The following ACAT1 variants were observed in gnomAD, a reference collection of about 807,000 sequenced individuals.
The protein encoded by ACAT1 is acetyl-CoA acetyltransferase 1.
A neutral mutation model predicts 47.3 loss-of-function variants in ACAT1; 28 were observed. That is an observed-to-expected ratio of 0.59 (90% CI 0.44 to 0.81). The LOEUF (loss-of-function observed/expected upper bound fraction) is 0.81, where lower values mean the gene tolerates loss of function less well. Among genes scored for constraint, ACAT1 ranks in the 30% least tolerant of loss-of-function variants. The pLI, the probability that ACAT1 is intolerant of heterozygous loss-of-function variation, is 0.00. For synonymous variants in ACAT1, 181 were observed against 173.6 expected (o/e 1.04, Z -0.34); for missense variants, 469 against 524.3 (o/e 0.89, Z 1.03).
chr11:108,127,341 T>C (rs1447882075), intron 1 of ACAT1, among the ~76,000 whole-genome samples: 1 of 151,554 alleles, frequency 6.6e-6, no homozygotes, highest in African/African-American at 2.4e-5. Context: ...CTTGGCTTAC[T>C]GCAAGCTCCA....
upstream of ACAT1, among the ~76,000 whole-genome samples, chr11:108,117,464 C>T (rs951203923): frequency 1.6e-4 from 25 of 152,022 alleles, 1 homozygote; most frequent in African/African-American, 5.1e-4. Context: ...CCCATCACCA[C>T]ACCCAGCTAA....
chr11:108,118,751 T>G (rs940027243), upstream of ACAT1, among the ~76,000 whole-genome samples: 2 of 152,216 alleles, frequency 1.3e-5, no homozygotes, highest in Admixed American at 1.3e-4. Flanking sequence ...CTTATTTTTT[T>G]GAAGTTTAGT....
rs929358611 is a variant in ACAT1, at chr11:108,139,920, G to A, written c.580-145G>A. ...CCTGCCTTGGCCCCCCAAAGTGCTGGGATTACAGGCATGAGCCACCACCTC... is the reference window on the plus strand; with the variant it reads ...CCTGCCTTGGCCCCCCAAAGTGCTGAGATTACAGGCATGAGCCACCACCTC... On this transcript the variant is annotated intron_variant, in intron 6 of 11. Coordinates refer to ENST00000265838, the MANE Select transcript of ACAT1 (RefSeq NM_000019.4). The A allele has an allele frequency of 4.2e-6, 4 of 959,756 alleles. No homozygotes were observed. The Admixed American group carries it at 9.9e-5, about 24-fold the overall frequency. 59.5% of individuals were successfully genotyped at this position (959,756 alleles called of 1,614,324 possible).
upstream of ACAT1, among the ~76,000 whole-genome samples, chr11:108,121,009 T>A (rs143449798): frequency 9.3e-3 from 1,414 of 152,304 alleles, 22 homozygotes; most frequent in African/African-American, 0.032. Context: ...AAGACCAGTC[T>A]GGCCAACATG....
At chr11:108,132,853 C>CAAAAAAA (rs57501370) in intron 2 of ACAT1, among the ~76,000 whole-genome samples, 89 of 47,862 alleles carry the variant, frequency 1.9e-3, no homozygotes, top group African/African-American at 2.0e-3. Flanking sequence ...AACTCCATCT[C>CAAAAAAA]AAAAAAAAAA....
chr11:108,133,525 G>A (rs577652362), intron 2 of ACAT1, among the ~76,000 whole-genome samples: 18 of 152,246 alleles, frequency 1.2e-4, no homozygotes, highest in African/African-American at 4.3e-4. Context: ...ACAAGGTACA[G>A]TGATCATTTC....
chr11:108,146,095 T>C lies in ACAT1; in HGVS notation c.1006-107T>C, dbSNP rs965842350. ...ATCCTTCCATCTGAAACCAAGAACT[T>C]CCATATTTAAATAACTTATGTCAAA... On this transcript the variant is annotated intron_variant, in intron 10 of 11. Transcript: ENST00000265838. 1.3e-5 allele frequency: 14 copies of C among 1,050,042 alleles called. No homozygotes were observed. In the African/African-American group the frequency reaches 2.1e-4, roughly 16 times the overall value. 65.0% of individuals were successfully genotyped at this position (1,050,042 alleles called of 1,614,324 possible).
intron 1 of ACAT1, among the ~76,000 whole-genome samples, chr11:108,129,682 C>A (rs571632940): frequency 6.6e-6 from 1 of 152,158 alleles, no homozygotes; most frequent in East Asian, 1.9e-4. Context: ...ATAATGACTT[C>A]TTTTCCTCTG....
At chr11:108,145,627 TA>T (rs2077689364) in intron 10 of ACAT1, among the ~76,000 whole-genome samples, 1 of 152,182 alleles carries the variant, frequency 6.6e-6, no homozygotes, top group African/African-American at 2.4e-5. Flanking sequence ...TATGTGCCCC[TA>T]AATAGAAAAT....
Position 108,147,276 on chromosome 11 carries a change from TGGAGCCA to T in ACAT1, c.1174_1180del (p.Ala392LeufsTer5). On this transcript the variant is annotated frameshift_variant, in exon 12 of 12. Coordinates refer to ENST00000265838, the MANE Select transcript of ACAT1 (RefSeq NM_000019.4). LOFTEE classifies it high-confidence loss of function. ...AATGCTTTCTTAATTTTAGGATGTC[TGGAGCCA>T]GGATTGTTGGTCATTTGACTCATGC... is the stretch of plus-strand genomic sequence containing the variant. The T allele has an allele frequency of 1.2e-6, 2 of 1,613,956 alleles. No individual in the cohort carries two copies. Among genetic ancestry groups the T allele is most frequent in the African/African-American group, 2.7e-5 (2 of 75,060 alleles).
intron 9 of ACAT1, chr11:108,143,213 C>G (rs572900930): frequency 6.6e-6 from 1 of 152,016 alleles, no homozygotes; most frequent in Non-Finnish European, 1.5e-5. Context: ...CTAAGGCTGA[C>G]GATCATTTGA....
At chr11:108,133,199 A>G (rs2135332113) in intron 2 of ACAT1, among the ~76,000 whole-genome samples, 1 of 152,210 alleles carries the variant, frequency 6.6e-6, no homozygotes, top group African/African-American at 2.4e-5. Flanking sequence ...TACATATAAA[A>G]AAAGAAATTC....
In ACAT1 at chr11:108,144,090, T is replaced by C. The variant is rs79988516; in HGVS notation, c.1005+43T>C. ...GGCGATACTCCATTATGCTAGCTTC[T>C]GGTTTGCTTATACCAAGGTTGCAGT... On this transcript the variant is annotated intron_variant, in intron 10 of 11. Transcript: ENST00000265838. 4.4e-4 allele frequency: 710 copies of C among 1,597,470 alleles called. 2 individuals are homozygous for C. The African/African-American group carries it at 8.8e-3, about 20-fold the overall frequency.
At chr11:108,125,665 C>T (rs943832067) in intron 1 of ACAT1, among the ~76,000 whole-genome samples, 3 of 152,106 alleles carry the variant, frequency 2.0e-5, no homozygotes, top group Non-Finnish European at 4.4e-5. Flanking sequence ...TGGTGGCTCA[C>T]GCCTGTAATC....
At chr11:108,122,581 C>T (rs57663127) in intron 1 of ACAT1, among the ~76,000 whole-genome samples, 1 of 152,220 alleles carries the variant, frequency 6.6e-6, no homozygotes. Flanking sequence ...CGTAGAATAA[C>T]ATTACTTGCA....
chr11:108,142,280 A>G (rs1331209222), intron 8 of ACAT1, among the ~76,000 whole-genome samples, 157 bp from the exon 9 acceptor site: 1 of 152,246 alleles, frequency 6.6e-6, no homozygotes, highest in Non-Finnish European at 1.5e-5. Context: ...TCTTGCAGTT[A>G]GCTGTGTACA....
chr11:108,123,068 T>TACACACAC (rs55958034), intron 1 of ACAT1, among the ~76,000 whole-genome samples: 1 of 149,590 alleles, frequency 6.7e-6, no homozygotes, highest in African/African-American at 2.5e-5. Flanking sequence ...CTATTAAAAA[T>TACACACAC]ACACACACAC....
At chr11:108,144,936 A>G (rs2077674154) in intron 10 of ACAT1, among the ~76,000 whole-genome samples, 1 of 152,200 alleles carries the variant, frequency 6.6e-6, no homozygotes, top group South Asian at 2.1e-4. Context: ...TGGGTACCAT[A>G]TTTTGTTTTG....
In ACAT1 at chr11:108,135,242, G is replaced by C; in HGVS notation, c.435G>C (p.Gln145His). ...CTCAAAGTCTTATGTGTGGACATCA[G>C]GTAAGAAACACCGTCCTTCCCATTT... ...MASQSLMCGH[Q>H]DVMVAGGMES... is the part of the protein sequence containing the mutation. The change falls in exon 5 of 12, where the codon CAG (glutamine) becomes CAC (histidine). Residue 145 changes from glutamine to histidine, a missense_variant and splice_region_variant. By Grantham distance (24) the Gln-to-His change is conservative (BLOSUM62 0). Transcript: ENST00000265838. 1 of 1,600,134 alleles carries C rather than the reference G, an allele frequency of 6.2e-7. No individual in the cohort carries two copies. Among genetic ancestry groups the C allele is most frequent in the East Asian group, 2.2e-5 (1 of 44,786 alleles).
Sources: gnomAD v4.1 joint callset for allele counts (sites outside exome capture counted in the v4.1 genomes callset) on GRCh38, gnomAD v4.1.1 for gene constraint, MANE v1.5 for transcripts, NCBI Gene and HGNC (gene_info 2026-07-23, HGNC 2026-07-21) for gene names.